Variants in SAMD5 observed in about 807,000 individuals in gnomAD.
SAMD5 encodes the protein sterile alpha motif domain containing 5.
In SAMD5, 13 loss-of-function variants were observed where a neutral mutation model predicts 11.3. That is an observed-to-expected ratio of 1.15 (90% CI 0.75 to 1.83). SAMD5 has a LOEUF of 1.83. Among genes scored for constraint, SAMD5 ranks in the 40% most tolerant of loss-of-function variants. The pLI is 0.00. For missense variants in SAMD5, 255 were observed against 239.1 expected, an observed-to-expected ratio of 1.07 and a Z score of -0.44; for synonymous variants, 129 against 111.3, an observed-to-expected ratio of 1.16 and a Z score of -1.00.
chr6:147,951,015 G>A, the SAMD5 span, among the ~76,000 whole-genome samples: 3 of 150,534 alleles, frequency 2.0e-5, no homozygotes, highest in South Asian at 4.2e-4. Flanking sequence ...GCCAGGCTTG[G>A]CTCTCCATGT....
At chr6:147,790,171 T>G in the SAMD5 span, among the ~76,000 whole-genome samples, 1 of 152,354 alleles carries the variant, frequency 6.6e-6, no homozygotes, top group African/African-American at 2.4e-5. Context: ...CTGCAAGATG[T>G]CCTTCAGTAG....
chr6:147,708,288 T>C (rs1214408074), intron 1 of SAMD5, among the ~76,000 whole-genome samples: 1 of 152,094 alleles, frequency 6.6e-6, no homozygotes, highest in Non-Finnish European at 1.5e-5. Flanking sequence ...AAGACGGCCA[T>C]CCGCGAGCCA....
chr6:147,578,164 G>A (rs1357048975), intron 1 of SAMD5, among the ~76,000 whole-genome samples: 1 of 152,096 alleles, frequency 6.6e-6, no homozygotes, highest in Non-Finnish European at 1.5e-5. Context: ...CATCAGAAGA[G>A]GTTTCTCTCT....
At chr6:147,537,636 C>T (rs192711575) in intron 1 of SAMD5, among the ~76,000 whole-genome samples, 5,214 of 151,992 alleles carry the variant, frequency 0.034, 139 homozygotes, top group African/African-American at 0.065. Flanking sequence ...CACCTGTAGT[C>T]CCAGCTACTC....
the SAMD5 span, among the ~76,000 whole-genome samples, chr6:147,892,711 C>T: frequency 0.032 from 4,838 of 152,204 alleles, 123 homozygotes; most frequent in Non-Finnish European, 0.043. Context: ...GGAAAGGCAG[C>T]GCCTTAATAC....
chr6:147,844,929 G>C, the SAMD5 span, among the ~76,000 whole-genome samples: 1 of 152,086 alleles, frequency 6.6e-6, no homozygotes, highest in Non-Finnish European at 1.5e-5. Flanking sequence ...TTGCACAGCA[G>C]GGTGACTATA....
chr6:147,582,896 A>G (rs932309967), intron 1 of SAMD5, among the ~76,000 whole-genome samples: 1 of 152,158 alleles, frequency 6.6e-6, no homozygotes, highest in Non-Finnish European at 1.5e-5. Flanking sequence ...GGGGTCTGTA[A>G]CGTGTGCCTA....
At chr6:147,629,604 A>G (rs1370513657) in intron 1 of SAMD5, among the ~76,000 whole-genome samples, 3 of 152,242 alleles carry the variant, frequency 2.0e-5, no homozygotes, top group Admixed American at 2.0e-4. Flanking sequence ...GGACAGGGTG[A>G]CAGAAGATCT....
At chr6:147,885,277 A>T in the SAMD5 span, among the ~76,000 whole-genome samples, 1 of 152,164 alleles carries the variant, frequency 6.6e-6, no homozygotes. Flanking sequence ...TGGGCAACAT[A>T]GCAATAGCAA....
intron 1 of SAMD5, among the ~76,000 whole-genome samples, chr6:147,704,153 C>T (rs1791294443): frequency 6.6e-6 from 1 of 152,114 alleles, no homozygotes; most frequent in Non-Finnish European, 1.5e-5. Context: ...TCTCAGCCTC[C>T]CAAGGTGCTG....
the SAMD5 span, among the ~76,000 whole-genome samples, chr6:147,805,400 G>T: frequency 6.6e-6 from 1 of 152,016 alleles, no homozygotes; most frequent in African/African-American, 2.4e-5. Context: ...ATGTTACTCA[G>T]TTCTGTTTAT....
chr6:147,917,871 T>C, the SAMD5 span, among the ~76,000 whole-genome samples: 14 of 152,168 alleles, frequency 9.2e-5, no homozygotes, highest in Non-Finnish European at 1.6e-4. Context: ...TGGTTGTAGA[T>C]GTGTGGTATT....
At chr6:147,706,285 G>A (rs559139429) in intron 1 of SAMD5, among the ~76,000 whole-genome samples, 3 of 152,084 alleles carry the variant, frequency 2.0e-5, no homozygotes, top group Admixed American at 1.3e-4. Flanking sequence ...GCAGTGGCGC[G>A]ATCTTGGCTC....
At chr6:147,938,567 G>A in the SAMD5 span, among the ~76,000 whole-genome samples, 1 of 152,128 alleles carries the variant, frequency 6.6e-6, no homozygotes, top group African/African-American at 2.4e-5. Context: ...GCTGGGCTGA[G>A]AACAGCCCAC....
At chr6:147,743,959 C>CTGGG in the SAMD5 span, among the ~76,000 whole-genome samples, 28 of 152,124 alleles carry the variant, frequency 1.8e-4, no homozygotes, top group African/African-American at 5.6e-4. Flanking sequence ...AAATGGCTTT[C>CTGGG]TGGGTGGGGT....
chr6:147,906,015 G>A, the SAMD5 span, among the ~76,000 whole-genome samples: 1 of 152,124 alleles, frequency 6.6e-6, no homozygotes, highest in Non-Finnish European at 1.5e-5. Flanking sequence ...AATGCTTTTT[G>A]AATTAGTGGC....
the SAMD5 span, among the ~76,000 whole-genome samples, chr6:147,926,493 T>C: frequency 6.6e-6 from 1 of 152,256 alleles, no homozygotes; most frequent in South Asian, 2.1e-4. Context: ...TTTGGAAAAG[T>C]GTCTGTTCAT....
the SAMD5 span, among the ~76,000 whole-genome samples, chr6:147,912,600 A>G: frequency 6.6e-6 from 1 of 152,214 alleles, no homozygotes; most frequent in Non-Finnish European, 1.5e-5. Flanking sequence ...CTCCAACAAT[A>G]CGAAAGTACA....
chr6:147,714,174 C>T (rs1477270112), intron 1 of SAMD5, among the ~76,000 whole-genome samples: 2 of 152,136 alleles, frequency 1.3e-5, no homozygotes, highest in Admixed American at 6.5e-5. Context: ...AGCCAATTGA[C>T]AGATATGGAA....
Sources: gnomAD v4.1 joint callset for allele counts (sites outside exome capture counted in the v4.1 genomes callset) on GRCh38, gnomAD v4.1.1 for gene constraint, MANE v1.5 for transcripts, NCBI Gene and HGNC (gene_info 2026-07-23, HGNC 2026-07-21) for gene names.